TNS3: variants seen among roughly 807,000 people sequenced by gnomAD.
TNS3 encodes tensin-3.
In TNS3, 45 loss-of-function variants were observed where a neutral mutation model predicts 140.9. The ratio of observed to expected loss-of-function variants is 0.32; its 90% CI spans 0.25 to 0.41. The LOEUF is 0.41. Ranked by LOEUF, TNS3 falls within the 10% of genes least tolerant of loss-of-function variation. TNS3 has a pLI of 1.00. For missense variants in TNS3, 1,716 were observed against 1,906.7 expected (o/e 0.90, Z 1.86); for synonymous variants, 815 against 788.4 (o/e 1.03, Z -0.56).
At chr7:47,415,017 T>A (rs1297151945) in intron 11 of TNS3, 77 bp downstream of exon 11, 1 of 1,100,682 alleles carries the variant, frequency 9.1e-7, no homozygotes, top group Non-Finnish European at 1.3e-6. Context: ...CCGAGGCTTA[T>A]CTAAATTGAG....
intron 2 of TNS3, among the ~76,000 whole-genome samples, chr7:47,518,863 C>A (rs1016328102): frequency 6.6e-6 from 1 of 152,164 alleles, no homozygotes; most frequent in Non-Finnish European, 1.5e-5. Context: ...AAGGTCTGAA[C>A]TCACATCAGC....
chr7:47,533,016 A>C (rs1799461644), intron 1 of TNS3, among the ~76,000 whole-genome samples: 1 of 150,636 alleles, frequency 6.6e-6, no homozygotes, highest in Non-Finnish European at 1.5e-5. Context: ...TAGCAGTATG[A>C]CAGATTCAAA....
chr7:47,419,535 T>C (rs1358304833), intron 10 of TNS3, among the ~76,000 whole-genome samples: 2 of 152,184 alleles, frequency 1.3e-5, no homozygotes, highest in African/African-American at 4.8e-5. Flanking sequence ...GTTTAAATGA[T>C]AATAGCCCAA....
chr7:47,550,749 G>A (rs1800039230), intron 1 of TNS3, among the ~76,000 whole-genome samples: 1 of 152,078 alleles, frequency 6.6e-6, no homozygotes, highest in Non-Finnish European at 1.5e-5. Context: ...CCAGCAACTG[G>A]GCTCTGGTCA....
At chr7:47,298,066 G>A (rs1302243852) in intron 23 of TNS3, among the ~76,000 whole-genome samples, 5 of 152,150 alleles carry the variant, frequency 3.3e-5, no homozygotes, top group South Asian at 2.1e-4. Context: ...GATTACAGGC[G>A]TGAGCCACTG....
chr7:47,430,786 T>C (rs984620027), intron 8 of TNS3, among the ~76,000 whole-genome samples: 2 of 151,820 alleles, frequency 1.3e-5, no homozygotes, highest in African/African-American at 2.4e-5. Flanking sequence ...AGTGGCATGA[T>C]CTCAGCTCAC....
At chr7:47,531,627 A>T (rs560006130) in intron 1 of TNS3, among the ~76,000 whole-genome samples, 1 of 152,394 alleles carries the variant, frequency 6.6e-6, no homozygotes, top group African/African-American at 2.4e-5. Context: ...CATATGTAAA[A>T]GTAAATTTTC....
At chr7:47,323,010 T>C (rs574439521) in intron 20 of TNS3, among the ~76,000 whole-genome samples, 149 of 152,238 alleles carry the variant, frequency 9.8e-4, no homozygotes, top group African/African-American at 3.3e-3. Flanking sequence ...TGAGGATTCA[T>C]TGCATGGTAG....
In TNS3 at chr7:47,280,362, G is replaced by C. The variant is rs1785075889; in HGVS notation, c.4098-8C>G. On this transcript the variant is annotated splice_polypyrimidine_tract_variant and splice_region_variant and intron_variant, in intron 28 of 30. Coordinates refer to ENST00000311160, the MANE Select transcript of TNS3 (RefSeq NM_022748.12). ...TGCCTCCGGAAGAAGAGCCTGTTGG[G>C]ACATGGGGGAGAGAGGATGGCTCCT... The C allele has an allele frequency of 6.2e-7, 1 of 1,614,086 alleles. No individual in the cohort carries two copies. Among genetic ancestry groups the C allele is most frequent in the African/African-American group, 1.3e-5 (1 of 75,062 alleles).
At chr7:47,339,960 T>C (rs1357437988) in intron 20 of TNS3, among the ~76,000 whole-genome samples, 1 of 124,538 alleles carries the variant, frequency 8.0e-6, no homozygotes, top group South Asian at 2.2e-4. Flanking sequence ...AAGTGGCATA[T>C]ATATATATAT....
intron 17 of TNS3, among the ~76,000 whole-genome samples, chr7:47,364,526 C>A (rs1790581049): frequency 6.6e-6 from 1 of 152,152 alleles, no homozygotes; most frequent in Non-Finnish European, 1.5e-5. Flanking sequence ...AGGTGATCTG[C>A]CTGCCTCGGC....
At chr7:47,529,869 A>G (rs1184123494) in intron 1 of TNS3, among the ~76,000 whole-genome samples, 1 of 152,276 alleles carries the variant, frequency 6.6e-6, no homozygotes, top group East Asian at 1.9e-4. Context: ...CGTGTATTCT[A>G]TCAGTACTTA....
chr7:47,568,011 C>T (rs1460364075), intron 1 of TNS3, among the ~76,000 whole-genome samples: 1 of 152,202 alleles, frequency 6.6e-6, no homozygotes, highest in Non-Finnish European at 1.5e-5. Context: ...GATTTCTAAG[C>T]TGCCTCCACT....
intron 20 of TNS3, among the ~76,000 whole-genome samples, chr7:47,309,517 T>G (rs898515942): frequency 1.3e-5 from 2 of 152,224 alleles, no homozygotes; most frequent in African/African-American, 4.8e-5. Context: ...TTTCTCAGTT[T>G]ACCACCTCAC....
chr7:47,570,899 C>A (rs754611771), intron 1 of TNS3, among the ~76,000 whole-genome samples: 14 of 151,894 alleles, frequency 9.2e-5, no homozygotes, highest in African/African-American at 3.4e-4. Flanking sequence ...AGAGATACAA[C>A]GAAAATTACA....
At chr7:47,396,519 A>G (rs1363145853) in intron 16 of TNS3, 3 of 444,542 alleles carry the variant, frequency 6.7e-6, no homozygotes, top group African/African-American at 4.0e-5. Flanking sequence ...TTATACATAC[A>G]CACAAGTTCA....
intron 20 of TNS3, among the ~76,000 whole-genome samples, chr7:47,341,417 A>G (rs891353842): frequency 2.0e-5 from 3 of 152,206 alleles, no homozygotes; most frequent in African/African-American, 7.2e-5. Flanking sequence ...TTATAGTTAC[A>G]GGGTATTCAA....
chr7:47,491,791 G>T (rs1400335777), intron 3 of TNS3, among the ~76,000 whole-genome samples: 2 of 152,170 alleles, frequency 1.3e-5, no homozygotes, highest in Non-Finnish European at 2.9e-5. Context: ...CACTGCCCAA[G>T]ACCATAGGCC....
intron 20 of TNS3, among the ~76,000 whole-genome samples, chr7:47,332,795 CTG>C (rs1788415807): frequency 6.6e-6 from 1 of 152,106 alleles, no homozygotes. Context: ...GTTATGCAAA[CTG>C]TTCAAGATCA....
Sources: gnomAD v4.1 joint callset for allele counts (sites outside exome capture counted in the v4.1 genomes callset) on GRCh38, gnomAD v4.1.1 for gene constraint, MANE v1.5 for transcripts, NCBI Gene and HGNC (gene_info 2026-07-23, HGNC 2026-07-21) for gene names.